The following NLN variants were observed in gnomAD, a reference collection of about 807,000 sequenced individuals.
NLN encodes the protein neurolysin, mitochondrial.
A neutral mutation model predicts 79.9 loss-of-function variants in NLN; 64 were observed. The observed-to-expected ratio is 0.80, with a 90% CI of 0.65 to 0.99. NLN has a LOEUF of 0.99. Among genes scored for constraint, NLN ranks in the 50% least tolerant of loss-of-function variants. The pLI, the probability that NLN is intolerant of heterozygous loss-of-function variation, is 0.00. For missense variants in NLN, 835 were observed against 858.7 expected (o/e 0.97, Z 0.34); for synonymous variants, 267 against 296.6 (o/e 0.90, Z 1.02).
rs751373087 is a variant in NLN at position 65,792,666 on chromosome 5, T to C, written c.1527+11T>C. 1.9e-6 allele frequency: 3 copies of C among 1,607,596 alleles called. No individual in the cohort carries two copies. In the South Asian group the frequency reaches 3.3e-5, roughly 18 times the overall value. ...CAGATTTGTGCACAGGTGAGTTTTT[T>C]TTTTCCCCCAGTAAACCTGCCAATT... On this transcript the variant is annotated intron_variant, in intron 9 of 12. Coordinates refer to ENST00000380985, the MANE Select transcript of NLN (RefSeq NM_020726.5).
chr5:65,781,542 C>A, intron 6 of NLN, 121 bp downstream of exon 6: 1 of 722,118 alleles, frequency 1.4e-6, no homozygotes, highest in South Asian at 1.6e-5. Context: ...CACTGTATCT[C>A]TAATTCCTCA....
intron 3 of NLN, 140 bp from the exon 4 acceptor site, chr5:65,777,287 T>G: frequency 1.6e-6 from 1 of 629,624 alleles, no homozygotes; most frequent in Non-Finnish European, 2.9e-6. Context: ...AAATTAGGTC[T>G]TCAATAGGGC....
chr5:65,804,100 A>G (rs2150770876), intron 9 of NLN, among the ~76,000 whole-genome samples: 1 of 152,378 alleles, frequency 6.6e-6, no homozygotes, highest in South Asian at 2.1e-4. Flanking sequence ...TTTGTATTTT[A>G]GATCCCATCC....
In NLN at chr5:65,781,355, G is replaced by A; in HGVS notation, c.756G>A (p.Met252Ile). ...TLKYPHYFPV[M>I]KKCCIPETRR... ...AATATCCACACTATTTCCCTGTCAT[G>A]AAGAAATGTTGTATCCCTGAAACCA... Residue 252 changes from methionine to isoleucine, a missense_variant, in exon 6 of 13, where the codon ATG becomes ATA. Coordinates refer to ENST00000380985, the MANE Select transcript of NLN (RefSeq NM_020726.5). 6.2e-7 allele frequency: 1 copy of A among 1,606,124 alleles called. No individual in the cohort carries two copies.
chr5:65,815,145 G>T (rs531824305), intron 12 of NLN, among the ~76,000 whole-genome samples: 2 of 152,272 alleles, frequency 1.3e-5, no homozygotes, highest in East Asian at 1.9e-4. Context: ...TGGCATAAGT[G>T]TACACTGCCT....
intron 1 of NLN, among the ~76,000 whole-genome samples, chr5:65,735,240 A>G (rs934375033): frequency 6.6e-6 from 1 of 152,204 alleles, no homozygotes; most frequent in African/African-American, 2.4e-5. Context: ...CGCCCCAGCC[A>G]TGCTGAACTG....
intron 9 of NLN, among the ~76,000 whole-genome samples, chr5:65,796,464 C>G (rs1046940293): frequency 6.6e-6 from 1 of 152,184 alleles, no homozygotes; most frequent in Admixed American, 6.6e-5. Flanking sequence ...TAGTGTTTCT[C>G]TCTTGAAACA....
chr5:65,724,661 T>C (rs1758416533), intron 1 of NLN, among the ~76,000 whole-genome samples: 1 of 152,226 alleles, frequency 6.6e-6, no homozygotes, highest in Non-Finnish European at 1.5e-5. Context: ...TTTGAAACCA[T>C]ACTGTTTTCT....
intron 3 of NLN, 76 bp downstream of exon 3, chr5:65,763,184 A>C: frequency 8.0e-7 from 1 of 1,253,584 alleles, no homozygotes; most frequent in Non-Finnish European, 1.1e-6. Flanking sequence ...TAAATAAAAC[A>C]TACTGACTGG....
At chr5:65,763,356 A>G (rs913228916) in intron 3 of NLN, among the ~76,000 whole-genome samples, 8 of 152,360 alleles carry the variant, frequency 5.3e-5, no homozygotes, top group African/African-American at 1.9e-4. Context: ...AGGCTTTTTA[A>G]TAACATTATG....
chr5:65,788,439 C>G lies in NLN; in HGVS notation c.1280C>G (p.Ala427Gly). ...SVTLYTVKDK[A>G]TGEVLGQFYL... Reference sequence around the variant, plus strand: ...ACACTTTATACTGTGAAGGATAAAGCTACAGGAGAAGTATTGGGACAGTTC... The same window carrying G: ...ACACTTTATACTGTGAAGGATAAAGGTACAGGAGAAGTATTGGGACAGTTC... Residue 427 changes from alanine (A) to glycine (G), a missense_variant, in exon 8 of 13, where the codon GCT (alanine) becomes GGT (glycine). Physicochemically the swap from Ala to Gly is moderately conservative, Grantham distance 60. Coordinates refer to ENST00000380985, the MANE Select transcript of NLN (RefSeq NM_020726.5). 1 of 1,612,770 alleles carries G rather than the reference C, an allele frequency of 6.2e-7. No homozygotes were observed. Among genetic ancestry groups the G allele is most frequent in the Non-Finnish European group, 8.5e-7 (1 of 1,178,728 alleles).
intron 3 of NLN, among the ~76,000 whole-genome samples, chr5:65,769,182 A>T (rs1759515771): frequency 6.6e-6 from 1 of 152,238 alleles, no homozygotes; most frequent in Non-Finnish European, 1.5e-5. Context: ...AAGTCACCGC[A>T]TTCTGCCCAG....
chr5:65,818,499 C>G (rs530583075), intron 12 of NLN, among the ~76,000 whole-genome samples: 20 of 152,056 alleles, frequency 1.3e-4, no homozygotes, highest in Non-Finnish European at 2.5e-4. Context: ...TCCAGAAGAC[C>G]TCTTCTAATC....
chr5:65,814,023 C>G (rs910437731), intron 12 of NLN, among the ~76,000 whole-genome samples: 1 of 152,128 alleles, frequency 6.6e-6, no homozygotes, highest in South Asian at 2.1e-4. Context: ...GGAGATGTCT[C>G]TAGCTCCAGG....
Position 65,777,498 on chromosome 5 carries a change from A to C in NLN, c.522A>C (p.Lys174Asn), listed in dbSNP as rs1406001393. 1.9e-6 allele frequency: 3 copies of C among 1,612,112 alleles called. No homozygotes were observed. In the East Asian group the frequency reaches 6.7e-5, roughly 36 times the overall value. The change falls in exon 4 of 13, where the codon AAA (lysine) becomes AAC (asparagine). Residue 174 changes from lysine (K) to asparagine (N), a missense_variant. Physicochemically the swap from Lys to Asn is moderately conservative, Grantham distance 94 (BLOSUM62 0). Coordinates refer to ENST00000380985, the MANE Select transcript of NLN (RefSeq NM_020726.5). Reference protein sequence around the residue: ...RYLEKSIKMGKRNGLHLPEQV... With the variant: ...RYLEKSIKMGNRNGLHLPEQV... ...TGGAAAAGTCAATTAAAATGGGGAA[A>C]AGAAATGGGCTCCATCTTCCTGAAC...
chr5:65,774,334 A>G (rs1380672098), intron 3 of NLN, among the ~76,000 whole-genome samples: 2 of 152,194 alleles, frequency 1.3e-5, no homozygotes, highest in African/African-American at 2.4e-5. Context: ...CTTCTACTCT[A>G]TAAGCAGAAA....
At chr5:65,805,103 A>G (rs1561210196) in intron 9 of NLN, among the ~76,000 whole-genome samples, 2 of 152,184 alleles carry the variant, frequency 1.3e-5, no homozygotes, top group South Asian at 2.1e-4. Context: ...CATGCTCTTT[A>G]TAAGAGAGTG....
rs761749301 is a variant in NLN, at chr5:65,763,115, G to A, written c.450+7G>A. 2 of 1,611,494 alleles carry A rather than the reference G, an allele frequency of 1.2e-6. No homozygotes were observed. Among genetic ancestry groups the A allele is most frequent in the Non-Finnish European group, 1.7e-6 (2 of 1,178,314 alleles). ...GAGAATTGTTCATTTACAGGTAAGT[G>A]GTGTTATAAATCCCTTTAAAGAGGG... is the stretch of plus-strand genomic sequence containing the variant. On this transcript the variant is annotated splice_region_variant and intron_variant, in intron 3 of 12. Coordinates refer to ENST00000380985, the MANE Select transcript of NLN (RefSeq NM_020726.5).
intron 2 of NLN, among the ~76,000 whole-genome samples, chr5:65,761,359 C>G (rs1291585502): frequency 6.6e-6 from 1 of 151,946 alleles, no homozygotes; most frequent in African/African-American, 2.4e-5. Flanking sequence ...GTCATGTAAT[C>G]TTGGCTCACT....
Sources: gnomAD v4.1 joint callset for allele counts (sites outside exome capture counted in the v4.1 genomes callset) on GRCh38, gnomAD v4.1.1 for gene constraint, MANE v1.5 for transcripts, NCBI Gene and HGNC (gene_info 2026-07-23, HGNC 2026-07-21) for gene names.